The following PODXL variants were observed in gnomAD, a reference collection of about 807,000 sequenced individuals.
The protein encoded by PODXL is podocalyxin.
In PODXL, 20 loss-of-function variants were observed where a neutral mutation model predicts 48.9. The observed-to-expected ratio is 0.41, with a 90% confidence interval of 0.29 to 0.59. The LOEUF (loss-of-function observed/expected upper bound fraction) is 0.59. Ranked by LOEUF, PODXL falls within the 20% of genes least tolerant of loss-of-function variation. The pLI, the probability that PODXL is intolerant of heterozygous loss-of-function variation, is 0.31. For synonymous variants in PODXL, 295 were observed against 287.4 expected, an observed-to-expected ratio of 1.03 and a Z score of -0.27; for missense variants, 606 against 675.1, an observed-to-expected ratio of 0.90 and a Z score of 1.13.
chr7:131,532,508 T>A (rs1798298245), intron 1 of PODXL, among the ~76,000 whole-genome samples: 1 of 47,246 alleles, frequency 2.1e-5, no homozygotes, highest in South Asian at 4.5e-4. Context: ...TACTTGTATA[T>A]CTTTTTTTTG....
chr7:131,544,805 T>G (rs1217930569), intron 1 of PODXL, among the ~76,000 whole-genome samples: 1 of 152,188 alleles, frequency 6.6e-6, no homozygotes, highest in African/African-American at 2.4e-5. Context: ...ACATGCAAGC[T>G]GGTGGCTTAA....
intron 1 of PODXL, among the ~76,000 whole-genome samples, chr7:131,533,360 T>C (rs76928461): frequency 0.055 from 8,438 of 152,252 alleles, 324 homozygotes; most frequent in East Asian, 0.22. Flanking sequence ...CCAGAGGGGC[T>C]GAGAGCTGCC....
chr7:131,550,480 C>G (rs1798650856), intron 1 of PODXL, among the ~76,000 whole-genome samples: 1 of 152,030 alleles, frequency 6.6e-6, no homozygotes, highest in Non-Finnish European at 1.5e-5. Flanking sequence ...CATGGTGAGA[C>G]CCTATTTCTA....
chr7:131,539,212 G>A (rs560858019), intron 1 of PODXL, among the ~76,000 whole-genome samples: 1 of 152,342 alleles, frequency 6.6e-6, no homozygotes, highest in East Asian at 1.9e-4. Context: ...GAAAAAGTGA[G>A]CTCTGCAAAT....
At chr7:131,534,558 G>A (rs1430999602) in intron 1 of PODXL, among the ~76,000 whole-genome samples, 1 of 152,154 alleles carries the variant, frequency 6.6e-6, no homozygotes, top group Non-Finnish European at 1.5e-5. Context: ...GTGGGGGTCA[G>A]GAGGGGGCTG....
chr7:131,506,187 G>C, intron 7 of PODXL, 73 bp downstream of exon 7: 2 of 1,539,162 alleles, frequency 1.3e-6, no homozygotes, highest in South Asian at 1.1e-5. Flanking sequence ...TCCCCACAGA[G>C]AGAGGGGAGT....
intron 2 of PODXL, 100 bp downstream of exon 2, chr7:131,510,728 T>C (rs1340995828): frequency 1.9e-5 from 28 of 1,445,988 alleles, no homozygotes; most frequent in East Asian, 9.4e-5. Flanking sequence ...TGTCTCGGCC[T>C]CCCAAAGTGC....
At position 131,525,426 on chromosome 7, in the gene PODXL, CA is replaced by C. The variant is rs57927217; in HGVS notation, c.101-13994del. Among the ~76,000 whole-genome samples, 446 of 59,208 alleles carry C rather than the reference CA, an allele frequency of 7.5e-3. 3 individuals carry two copies. The highest frequency in any genetic ancestry group is 0.028 in the African/African-American group (374 of 13,306). 38.8% of individuals were successfully genotyped at this position (59,208 alleles called of 152,430 possible). On this transcript the variant is annotated intron_variant, in intron 1 of 8. Coordinates refer to ENST00000378555, the MANE Select transcript of PODXL (RefSeq NM_001018111.3). ...CAACATGGCAAAACCTCATCTCTAC[CA>C]AAAAAAAAAAAAAAAAAAAAAAAAA...
intron 1 of PODXL, among the ~76,000 whole-genome samples, chr7:131,546,140 A>G (rs548950640): frequency 1.3e-3 from 191 of 152,326 alleles, no homozygotes; most frequent in African/African-American, 4.3e-3. Flanking sequence ...AGAAAGATCA[A>G]CATCGTGTCA....
At chr7:131,536,949 AC>A (rs554908671) in intron 1 of PODXL, among the ~76,000 whole-genome samples, 3 of 151,734 alleles carry the variant, frequency 2.0e-5, no homozygotes, top group Non-Finnish European at 1.5e-5. Flanking sequence ...ACATGGTGAA[AC>A]CCCATCTCTA....
At chr7:131,538,333 G>C (rs539879144) in intron 1 of PODXL, among the ~76,000 whole-genome samples, 1 of 152,160 alleles carries the variant, frequency 6.6e-6, no homozygotes, top group African/African-American at 2.4e-5. Flanking sequence ...AGTGCTCTGC[G>C]GGGAGCCAGC....
chr7:131,510,109 C>A, intron 3 of PODXL, 127 bp downstream of exon 3: 1 of 375,130 alleles, frequency 2.7e-6, no homozygotes, highest in South Asian at 2.0e-5. Context: ...CTGAGATGGG[C>A]CATGATCCTA....
At chr7:131,520,272 C>G in intron 1 of PODXL, 1 of 498,340 alleles carries the variant, frequency 2.0e-6, no homozygotes, top group Admixed American at 2.2e-5. Context: ...CAGGCACTCA[C>G]AGAGATCCAG....
chr7:131,537,817 A>C (rs112755553), intron 1 of PODXL, among the ~76,000 whole-genome samples: 1 of 151,934 alleles, frequency 6.6e-6, no homozygotes, highest in South Asian at 2.1e-4. Context: ...ATGGCATCAC[A>C]CCGTCGTGAC....
At chr7:131,512,675 G>A (rs1392241696) in intron 1 of PODXL, among the ~76,000 whole-genome samples, 1 of 152,070 alleles carries the variant, frequency 6.6e-6, no homozygotes, top group Non-Finnish European at 1.5e-5. Context: ...AGAATAAAAG[G>A]CCCTCTTAAA....
chr7:131,542,066 A>G lies in PODXL; in HGVS notation c.100+14194T>C, dbSNP rs1798491816. 2.0e-5 allele frequency among the ~76,000 whole-genome samples: 3 copies of G among 152,320 alleles called. 1 individual carries two copies. In the South Asian group the frequency reaches 6.2e-4, roughly 32 times the overall value. ...TGAACTCACAGCTCTTCTTTTTCCA[A>G]GAAACTGGGAGCAAAATATTTCCCT... On this transcript the variant is annotated intron_variant, in intron 1 of 8. Transcript: ENST00000378555.
chr7:131,550,810 C>A (rs1025399143), intron 1 of PODXL, among the ~76,000 whole-genome samples: 4 of 152,064 alleles, frequency 2.6e-5, no homozygotes, highest in African/African-American at 9.7e-5. Flanking sequence ...CGCACACACA[C>A]GTGTGCACAC....
rs1562905003 is a variant in PODXL at position 131,511,411 on chromosome 7, T to C, written c.123A>G (p.Ser41=). The C allele has an allele frequency of 6.2e-7, 1 of 1,601,538 alleles. No homozygotes were observed. Among genetic ancestry groups the C allele is most frequent in the Non-Finnish European group, 8.5e-7 (1 of 1,179,742 alleles). The change falls in exon 2 of 9, where the codon TCA becomes TCG. Residue 41 remains serine, a synonymous_variant. Transcript: ENST00000378555. The stretch of plus-strand genomic sequence containing the variant: ...CTGGAGTCGGTGCTGTTTTGTTAGA[T>C]GAGTCCGTAGTAGTCTGGGTTGCTG... ...SQNATQTTTD[S]SNKTAPTPAS...
intron 1 of PODXL, among the ~76,000 whole-genome samples, chr7:131,531,470 G>A (rs1798279573): frequency 6.6e-6 from 1 of 152,128 alleles, no homozygotes; most frequent in East Asian, 1.9e-4. Context: ...TTCCCCATCT[G>A]CATGTGCTCA....
Sources: gnomAD v4.1 joint callset for allele counts (sites outside exome capture counted in the v4.1 genomes callset) on GRCh38, gnomAD v4.1.1 for gene constraint, MANE v1.5 for transcripts, NCBI Gene and HGNC (gene_info 2026-07-23, HGNC 2026-07-21) for gene names.